ARHGAP10: variants seen among roughly 807,000 people sequenced by gnomAD.
The protein encoded by ARHGAP10 is rho GTPase-activating protein 10.
In ARHGAP10, 87 loss-of-function variants were observed where a neutral mutation model predicts 108.6. That is an observed-to-expected ratio of 0.80 (90% CI 0.67 to 0.96). The LOEUF (loss-of-function observed/expected upper bound fraction) is 0.96. ARHGAP10 is among the 40% of genes least tolerant of loss of function. ARHGAP10 has a pLI of 0.00. For missense variants in ARHGAP10, 939 were observed against 954.5 expected, an observed-to-expected ratio of 0.98 and a Z score of 0.21; for synonymous variants, 347 against 341.1, an observed-to-expected ratio of 1.02 and a Z score of -0.19.
intron 10 of ARHGAP10, among the ~76,000 whole-genome samples, chr4:147,891,294 T>C (rs1735786157): frequency 6.6e-6 from 1 of 152,286 alleles, no homozygotes; most frequent in Non-Finnish European, 1.5e-5. Flanking sequence ...AATGAATACA[T>C]GCTACTGTAT....
At chr4:148,004,042 AG>A (rs1308806508) in intron 18 of ARHGAP10, among the ~76,000 whole-genome samples, 2 of 128,296 alleles carry the variant, frequency 1.6e-5, no homozygotes, top group Non-Finnish European at 3.2e-5. Flanking sequence ...CCTTTCTGTG[AG>A]GGTTTGGCAG....
intron 18 of ARHGAP10, among the ~76,000 whole-genome samples, chr4:148,014,817 T>C (rs1741289656): frequency 6.6e-6 from 1 of 152,226 alleles, no homozygotes; most frequent in African/African-American, 2.4e-5. Context: ...TATGTCCCAC[T>C]GGAACTTGGG....
At chr4:147,740,900 G>A (rs1424743758) in intron 1 of ARHGAP10, among the ~76,000 whole-genome samples, 1 of 151,910 alleles carries the variant, frequency 6.6e-6, no homozygotes, top group Non-Finnish European at 1.5e-5. Context: ...CAAGGGGTAG[G>A]ACCTATCTCA....
At chr4:147,804,919 G>A (rs1731721769) in intron 1 of ARHGAP10, among the ~76,000 whole-genome samples, 1 of 152,092 alleles carries the variant, frequency 6.6e-6, no homozygotes, top group Admixed American at 6.5e-5. Flanking sequence ...CTATTCTGTG[G>A]GTTGTCTGTT....
intron 1 of ARHGAP10, among the ~76,000 whole-genome samples, chr4:147,822,358 GGT>G (rs1397824843): frequency 6.6e-6 from 1 of 152,214 alleles, no homozygotes; most frequent in African/African-American, 2.4e-5. Context: ...GCCACTATCA[GGT>G]GTGTGTGTTC....
intron 1 of ARHGAP10, among the ~76,000 whole-genome samples, chr4:147,748,952 C>T (rs529660482): frequency 6.6e-6 from 1 of 151,530 alleles, no homozygotes; most frequent in African/African-American, 2.4e-5. Flanking sequence ...GAGTGAGACC[C>T]TGTGTCTTAA....
At chr4:147,971,666 A>C (rs1739411109) in intron 18 of ARHGAP10, among the ~76,000 whole-genome samples, 2 of 152,304 alleles carry the variant, frequency 1.3e-5, no homozygotes, top group Admixed American at 1.3e-4. Context: ...TTGTTGGAAC[A>C]TGGGCAAATG....
intron 20 of ARHGAP10, among the ~76,000 whole-genome samples, chr4:148,048,221 C>T (rs142472760): frequency 6.6e-6 from 1 of 152,198 alleles, no homozygotes; most frequent in Non-Finnish European, 1.5e-5. Flanking sequence ...ATTCTGGGGA[C>T]TTTAAATGGA....
At chr4:147,956,186 A>T (rs967218821) in intron 16 of ARHGAP10, among the ~76,000 whole-genome samples, 1 of 152,178 alleles carries the variant, frequency 6.6e-6, no homozygotes, top group African/African-American at 2.4e-5. Flanking sequence ...TCACAGGTGC[A>T]CTGACAGTAG....
At chr4:147,829,195 C>T (rs552428488) in intron 3 of ARHGAP10, among the ~76,000 whole-genome samples, 10 of 152,014 alleles carry the variant, frequency 6.6e-5, no homozygotes, top group Non-Finnish European at 1.2e-4. Context: ...GAACTACACG[C>T]GGGTGCCACT....
At chr4:147,832,644 CTCAAAAAAAAAAAA>C (rs1052004452) in intron 3 of ARHGAP10, among the ~76,000 whole-genome samples, 28 of 4,436 alleles carry the variant, frequency 6.3e-3, no homozygotes, top group Middle Eastern at 0.25. Flanking sequence ...AAGACTCTGT[CTCAAAAAAAAAAAA>C]AAAAAAGGAA....
rs551969358 is a variant in ARHGAP10 at position 147,870,352 on chromosome 4, C to T, written c.702+3536C>T. Among the ~76,000 whole-genome samples, 49 of 152,222 alleles carry T rather than the reference C, an allele frequency of 3.2e-4. 1 individual carries two copies. The highest frequency in any genetic ancestry group is 1.6e-3 in the Admixed American group (25 of 15,292). On this transcript the variant is annotated intron_variant, in intron 7 of 22. Transcript: ENST00000336498. ...TTGGGATTACAGGCGTGAGCCACCG[C>T]GCCCGGCCGCATATATGTATTTTAG...
intron 19 of ARHGAP10, among the ~76,000 whole-genome samples, chr4:148,030,646 T>C (rs949058281): frequency 2.0e-5 from 3 of 152,200 alleles, no homozygotes; most frequent in African/African-American, 7.2e-5. Flanking sequence ...TTTTACTTAC[T>C]GAATTCTTAC....
intron 19 of ARHGAP10, among the ~76,000 whole-genome samples, chr4:148,033,872 G>C (rs909087122): frequency 1.3e-5 from 2 of 152,166 alleles, no homozygotes; most frequent in Non-Finnish European, 2.9e-5. Context: ...TTCACCTTTT[G>C]CCCAGGCTGC....
chr4:147,903,243 C>G (rs1332836271), intron 10 of ARHGAP10, among the ~76,000 whole-genome samples: 1 of 152,156 alleles, frequency 6.6e-6, no homozygotes, highest in Non-Finnish European at 1.5e-5. Context: ...TGCTTTTGGT[C>G]TTCTATGCAC....
intron 1 of ARHGAP10, among the ~76,000 whole-genome samples, chr4:147,740,047 CTTT>C (rs59246980): frequency 9.3e-5 from 11 of 118,864 alleles, no homozygotes; most frequent in African/African-American, 1.2e-4. Flanking sequence ...TACTGGGTTA[CTTT>C]TTTTTTTTTT....
At chr4:147,883,444 G>A (rs17024045) in intron 10 of ARHGAP10, among the ~76,000 whole-genome samples, 10,696 of 152,186 alleles carry the variant, frequency 0.07, 1,203 homozygotes, top group African/African-American at 0.24. Context: ...ACATCTGTGC[G>A]CACACACCCA....
chr4:148,009,363 C>T (rs1741085557), intron 18 of ARHGAP10, among the ~76,000 whole-genome samples: 1 of 152,144 alleles, frequency 6.6e-6, no homozygotes, highest in Admixed American at 6.5e-5. Flanking sequence ...AACTCCTGAC[C>T]TCAAGTGATC....
At position 147,857,760 on chromosome 4, in the gene ARHGAP10, A is replaced by C. The variant is rs889704828; in HGVS notation, c.486+106A>C. The C allele has an allele frequency of 4.2e-5, 43 of 1,030,062 alleles. No homozygotes were observed. The African/African-American group carries it at 6.7e-4, about 16-fold the overall frequency. 63.8% of individuals were successfully genotyped at this position (1,030,062 alleles called of 1,614,324 possible). ...TAACTTTTCATCTGGCATTATATAGAGATAACAAAAAGTGAACAGGTATTG... is the reference window on the plus strand; with the variant it reads ...TAACTTTTCATCTGGCATTATATAGCGATAACAAAAAGTGAACAGGTATTG... On this transcript the variant is annotated intron_variant, in intron 5 of 22. Transcript: ENST00000336498.
Sources: allele counts gnomAD v4.1 joint callset (sites outside exome capture counted in the v4.1 genomes callset), GRCh38; gene constraint gnomAD v4.1.1; transcripts MANE v1.5; gene names NCBI Gene and HGNC (gene_info 2026-07-23, HGNC 2026-07-21).